SLC22A23: variants seen among roughly 807,000 people sequenced by gnomAD.
The protein encoded by SLC22A23 is ion transporter protein.
SLC22A23 carries 26 observed loss-of-function variants against 61.0 expected under a neutral mutation model. The ratio of observed to expected loss-of-function variants is 0.43; its 90% CI spans 0.31 to 0.59. The LOEUF is 0.59. Among genes scored for constraint, SLC22A23 ranks in the 20% least tolerant of loss-of-function variants. The probability of loss-of-function intolerance (pLI) is 0.11; values close to 1 mark genes in which losing one functional copy is unlikely to be tolerated. For missense variants in SLC22A23, 796 were observed against 934.7 expected (o/e 0.85, Z 1.94); for synonymous variants, 430 against 413.9 (o/e 1.04, Z -0.47).
At chr6:3,356,375 G>C (rs922431170) in intron 3 of SLC22A23, among the ~76,000 whole-genome samples, 1 of 151,716 alleles carries the variant, frequency 6.6e-6, no homozygotes, top group African/African-American at 2.4e-5. Context: ...GCCTACAAGG[G>C]TAACAGGCCA....
At chr6:3,310,624 C>G (rs1248217918) in intron 4 of SLC22A23, among the ~76,000 whole-genome samples, 1 of 152,202 alleles carries the variant, frequency 6.6e-6, no homozygotes, top group Non-Finnish European at 1.5e-5. Context: ...TGAGTAATTG[C>G]TCAGTAGAAT....
chr6:3,274,192 A>C (rs1231058664), intron 9 of SLC22A23, among the ~76,000 whole-genome samples: 2 of 152,210 alleles, frequency 1.3e-5, no homozygotes, highest in African/African-American at 4.8e-5. Context: ...CAGAACCCCT[A>C]TCCCTCAAAC....
In SLC22A23 at chr6:3,390,096, C is replaced by G. The variant is rs1767570672; in HGVS notation, c.913+20092G>C. Reference sequence around the variant, plus strand: ...CACGGCATCACTGGGCCAGTTGCCACCATCCGTCCGTGGGCTCATCCGGAA... The same window carrying G: ...CACGGCATCACTGGGCCAGTTGCCAGCATCCGTCCGTGGGCTCATCCGGAA... On this transcript the variant is annotated intron_variant, in intron 3 of 9. Transcript: ENST00000406686. The surrounding 1 kb of genome is among the most constrained non-coding windows in gnomAD (Gnocchi z 4.0). 6.6e-6 allele frequency among the ~76,000 whole-genome samples: 1 copy of G among 152,184 alleles called. No individual in the cohort carries two copies.
At chr6:3,314,237 G>A (rs1434398900) in intron 4 of SLC22A23, among the ~76,000 whole-genome samples, 1 of 152,240 alleles carries the variant, frequency 6.6e-6, no homozygotes, top group African/African-American at 2.4e-5. Context: ...CAGAAGTGTA[G>A]CTCTGCCAAG....
chr6:3,390,669 A>G lies in SLC22A23; in HGVS notation c.913+19519T>C, dbSNP rs1767605942. On this transcript the variant is annotated intron_variant, in intron 3 of 9. Transcript: ENST00000406686. This position sits in a 1 kb window ranked among gnomAD's most constrained non-coding sequence, Gnocchi z 4.0. ...TTCTATTTCACTATGGATCAGTTCAATGCACCAAAAGCTGGCTGCCACTCA... is the reference window on the plus strand; with the variant it reads ...TTCTATTTCACTATGGATCAGTTCAGTGCACCAAAAGCTGGCTGCCACTCA... Among the ~76,000 whole-genome samples the G allele has an allele frequency of 6.6e-6, 1 of 152,230 alleles. No homozygotes were observed. Among genetic ancestry groups the G allele is most frequent in the Non-Finnish European group, 1.5e-5 (1 of 68,042 alleles).
At chr6:3,305,259 G>A (rs1761894662) in intron 4 of SLC22A23, among the ~76,000 whole-genome samples, 1 of 152,184 alleles carries the variant, frequency 6.6e-6, no homozygotes, top group South Asian at 2.1e-4. Flanking sequence ...GGCAGAGCTG[G>A]GATCTGAACC....
intron 1 of SLC22A23, among the ~76,000 whole-genome samples, chr6:3,422,025 C>T (rs969299177): frequency 6.6e-6 from 1 of 152,150 alleles, no homozygotes; most frequent in Non-Finnish European, 1.5e-5. Context: ...ATTGTTCTAT[C>T]AGCAAACCAC....
At chr6:3,347,405 C>T (rs556206940) in intron 3 of SLC22A23, among the ~76,000 whole-genome samples, 1 of 152,178 alleles carries the variant, frequency 6.6e-6, no homozygotes, top group East Asian at 1.9e-4. Flanking sequence ...GCAACCAACC[C>T]CCAACATTGG....
At chr6:3,340,693 G>A (rs1764103235) in intron 3 of SLC22A23, among the ~76,000 whole-genome samples, 1 of 152,174 alleles carries the variant, frequency 6.6e-6, no homozygotes, top group Non-Finnish European at 1.5e-5. Flanking sequence ...GTGACAGAGT[G>A]CGGCCCTTAT....
intron 3 of SLC22A23, among the ~76,000 whole-genome samples, chr6:3,348,377 C>T (rs1057316495): frequency 2.8e-4 from 42 of 152,166 alleles, no homozygotes; most frequent in African/African-American, 1.0e-3. Context: ...CTTCTGTTTT[C>T]TCTTCTTACC....
At chr6:3,282,449 G>T (rs898440338) in intron 9 of SLC22A23, 16 of 611,714 alleles carry the variant, frequency 2.6e-5, no homozygotes, top group Non-Finnish European at 4.7e-5. Flanking sequence ...GAATCAAAAA[G>T]TGTGGACGTG....
At position 3,283,956 on chromosome 6, in the gene SLC22A23, C is replaced by T; in HGVS notation, c.1599G>A (p.Lys533=). The T allele has an allele frequency of 6.2e-7, 1 of 1,606,572 alleles. No individual in the cohort carries two copies. The highest frequency in any genetic ancestry group is 8.5e-7 in the Non-Finnish European group (1 of 1,173,864). Residue 533 remains lysine (K), a synonymous_variant, in exon 9 of 10, where the codon AAG becomes AAA. Transcript: ENST00000406686. The stretch of plus-strand genomic sequence containing the variant: ...TGGAAAACGCGATGGAAAATTTGTC[C>T]TTGACGCTGTCACTCATCCCTGGGG... The part of the protein sequence containing the change: ...HPDSGMSDSV[K]DKFSIAFSIV...
intron 3 of SLC22A23, among the ~76,000 whole-genome samples, chr6:3,350,363 G>A (rs528527892): frequency 8.5e-5 from 13 of 152,266 alleles, no homozygotes; most frequent in South Asian, 6.2e-4. Context: ...TATTCAGCTC[G>A]TCCCTAAGAA....
chr6:3,372,174 C>G lies in SLC22A23; in HGVS notation c.913+38014G>C, dbSNP rs187799999. Among the ~76,000 whole-genome samples the G allele has an allele frequency of 2.0e-4, 31 of 152,302 alleles. No homozygotes were observed. The highest frequency in any genetic ancestry group is 3.7e-4 in the Non-Finnish European group (25 of 68,026). On this transcript the variant is annotated intron_variant, in intron 3 of 9. Coordinates refer to ENST00000406686, the MANE Select transcript of SLC22A23 (RefSeq NM_015482.2). The surrounding 1 kb of genome is among the most constrained non-coding windows in gnomAD (Gnocchi z 4.7). ...GAGCTCTGCCTCGAGGGCACAGACT[C>G]CTGTGATGAGGCTGGACCACTTGGG... is the stretch of plus-strand genomic sequence containing the variant.
chr6:3,455,800 C>G, intron 1 of SLC22A23, 106 bp downstream of exon 1: 1 of 1,346,532 alleles, frequency 7.4e-7, no homozygotes, highest in African/African-American at 1.5e-5. Context: ...GCCCTACACA[C>G]ACTCTAGCAC....
intron 9 of SLC22A23, among the ~76,000 whole-genome samples, chr6:3,280,791 C>T (rs1214127527): frequency 1.3e-5 from 2 of 152,260 alleles, no homozygotes; most frequent in African/African-American, 2.4e-5. Context: ...CCACCGTGCC[C>T]GGCCTTTAAG....
chr6:3,304,706 C>T lies in SLC22A23; in HGVS notation c.1083-6488G>A, dbSNP rs1284720199. Among the ~76,000 whole-genome samples, 1 of 152,078 alleles carries T rather than the reference C, an allele frequency of 6.6e-6. No individual in the cohort carries two copies. Among genetic ancestry groups the T allele is most frequent in the African/African-American group, 2.4e-5 (1 of 41,424 alleles). ...GAGGCTCTGGAGAGGCCGGGCTCTG[C>T]TTGGACCGTCTTGGAAGATGAGCAG... On this transcript the variant is annotated intron_variant, in intron 4 of 9. Coordinates refer to ENST00000406686, the MANE Select transcript of SLC22A23 (RefSeq NM_015482.2). The surrounding 1 kb of genome is among the most constrained non-coding windows in gnomAD (Gnocchi z 4.3).
intron 8 of SLC22A23, among the ~76,000 whole-genome samples, chr6:3,284,637 G>A (rs1759798742): frequency 6.6e-6 from 1 of 152,208 alleles, no homozygotes; most frequent in African/African-American, 2.4e-5. Flanking sequence ...GAGGTGCAGG[G>A]CGGCACTGTG....
Position 3,286,723 on chromosome 6 carries a change from C to CT in SLC22A23, c.1546+135dup. 1 of 799,266 alleles carries CT rather than the reference C, an allele frequency of 1.3e-6. No individual in the cohort carries two copies. Among genetic ancestry groups the CT allele is most frequent in the African/African-American group, 1.7e-5 (1 of 58,194 alleles). The allele number at this position is 799,266 out of a possible 1,614,324, so 49.5% of individuals were successfully genotyped here. On this transcript the variant is annotated intron_variant, in intron 7 of 9. Transcript: ENST00000406686. The surrounding 1 kb of genome is among the most constrained non-coding windows in gnomAD (Gnocchi z 4.2). Reference sequence around the variant, plus strand: ...TCCACAGATGCTCTCAACTGAAGCTCTGTTCTCCCCAAAGCAGCTCCTTCC... The same window carrying CT: ...TCCACAGATGCTCTCAACTGAAGCTCTTGTTCTCCCCAAAGCAGCTCCTTCC...
Sources: allele counts gnomAD v4.1 joint callset (sites outside exome capture counted in the v4.1 genomes callset), GRCh38; gene constraint gnomAD v4.1.1; non-coding constraint Gnocchi (gnomAD v3.1); transcripts MANE v1.5; gene names NCBI Gene and HGNC (gene_info 2026-07-23, HGNC 2026-07-21).